The following PDE4B variants were observed in gnomAD, a reference collection of about 807,000 sequenced individuals.
PDE4B encodes phosphodiesterase 4B, also known as 3',5'-cyclic-AMP phosphodiesterase 4B.
A neutral mutation model predicts 82.2 loss-of-function variants in PDE4B; 20 were observed. The ratio of observed to expected loss-of-function variants is 0.24; its 90% CI spans 0.17 to 0.35. The LOEUF (loss-of-function observed/expected upper bound fraction) is 0.35. Among genes scored for constraint, PDE4B ranks in the 10% least tolerant of loss-of-function variants. The pLI, the probability that PDE4B is intolerant of heterozygous loss-of-function variation, is 1.00. For missense variants in PDE4B, 655 were observed against 907.2 expected (o/e 0.72, Z 3.57); for synonymous variants, 320 against 318.9 (o/e 1.00, Z -0.04).
chr1:66,306,736 G>A (rs1046653794), intron 7 of PDE4B, among the ~76,000 whole-genome samples: 5 of 152,134 alleles, frequency 3.3e-5, no homozygotes, highest in African/African-American at 1.2e-4. Context: ...TCCAGTGGGA[G>A]TAAGTAACTT....
intron 1 of PDE4B, among the ~76,000 whole-genome samples, chr1:65,849,676 C>T (rs777479902): frequency 2.0e-5 from 3 of 151,914 alleles, no homozygotes; most frequent in Non-Finnish European, 4.4e-5. Flanking sequence ...GAGAACATGT[C>T]ATATACTTTT....
chr1:65,853,718 C>T (rs551296838), intron 1 of PDE4B, among the ~76,000 whole-genome samples: 15 of 151,890 alleles, frequency 9.9e-5, no homozygotes, highest in African/African-American at 1.4e-4. Flanking sequence ...TTAGTAGAGA[C>T]GGGGTTTTAC....
intron 3 of PDE4B, among the ~76,000 whole-genome samples, chr1:66,099,068 G>T (rs1317456647): frequency 6.6e-6 from 1 of 152,104 alleles, no homozygotes; most frequent in Non-Finnish European, 1.5e-5. Context: ...AGCATGTGCA[G>T]GTTTGTTACA....
intron 7 of PDE4B, 83 bp from the exon 8 acceptor site, chr1:66,332,425 A>C: frequency 1.2e-6 from 2 of 1,614,116 alleles, no homozygotes; most frequent in Non-Finnish European, 8.5e-7. Context: ...GTAGCACCGG[A>C]ATCAGCGGTG....
intron 1 of PDE4B, among the ~76,000 whole-genome samples, chr1:65,802,222 C>G (rs1025124761): frequency 1.3e-5 from 2 of 152,074 alleles, no homozygotes; most frequent in Non-Finnish European, 2.9e-5. Flanking sequence ...TCTTAATAAC[C>G]GAGGAAACTA....
chr1:66,291,404 C>G (rs1232420942), intron 7 of PDE4B, among the ~76,000 whole-genome samples: 1 of 152,180 alleles, frequency 6.6e-6, no homozygotes, highest in Non-Finnish European at 1.5e-5. Flanking sequence ...TCTGCTGGAT[C>G]AAGCTGTTGT....
At chr1:66,321,854 C>T (rs1251568931) in intron 7 of PDE4B, among the ~76,000 whole-genome samples, 2 of 151,822 alleles carry the variant, frequency 1.3e-5, no homozygotes, top group Admixed American at 6.6e-5. Flanking sequence ...AAAAAGAGCC[C>T]GCATGGCCAA....
intron 3 of PDE4B, among the ~76,000 whole-genome samples, chr1:65,924,786 C>G (rs1647410093): frequency 6.6e-6 from 1 of 152,196 alleles, no homozygotes; most frequent in Admixed American, 6.5e-5. Flanking sequence ...ATACCAGTTC[C>G]TTGCCATGTG....
chr1:65,964,660 A>G (rs1649720654), intron 3 of PDE4B, among the ~76,000 whole-genome samples: 1 of 152,200 alleles, frequency 6.6e-6, no homozygotes, highest in Non-Finnish European at 1.5e-5. Flanking sequence ...TAACAATTCT[A>G]CATCTCCAGT....
At chr1:66,208,386 C>T (rs760714795) in intron 3 of PDE4B, among the ~76,000 whole-genome samples, 8 of 152,298 alleles carry the variant, frequency 5.3e-5, no homozygotes, top group Admixed American at 2.6e-4. Context: ...TCATGATTTA[C>T]GTAGCACATA....
At chr1:65,906,240 G>A (rs1477788824) in intron 1 of PDE4B, among the ~76,000 whole-genome samples, 1 of 152,068 alleles carries the variant, frequency 6.6e-6, no homozygotes, top group African/African-American at 2.4e-5. Context: ...ACATCTGTTT[G>A]TAGATCTTCT....
intron 3 of PDE4B, among the ~76,000 whole-genome samples, chr1:66,023,567 A>C (rs959073160): frequency 4.1e-4 from 63 of 152,192 alleles, no homozygotes; most frequent in Admixed American, 1.8e-3. Context: ...CAGGCCCTAT[A>C]GTAATGAAAG....
At chr1:66,248,921 A>T (rs527370129) in intron 4 of PDE4B, among the ~76,000 whole-genome samples, 2 of 152,314 alleles carry the variant, frequency 1.3e-5, no homozygotes, top group East Asian at 3.9e-4. Flanking sequence ...TCCATAGATG[A>T]TGAAACTGGG....
chr1:65,816,346 A>G (rs1469533816), intron 1 of PDE4B, among the ~76,000 whole-genome samples: 4 of 152,130 alleles, frequency 2.6e-5, no homozygotes, highest in Admixed American at 6.6e-5. Flanking sequence ...ATAGTAACCA[A>G]ATAAGTGCAA....
chr1:66,327,721 G>C (rs1225604221), intron 7 of PDE4B, among the ~76,000 whole-genome samples: 1 of 152,160 alleles, frequency 6.6e-6, no homozygotes, highest in Non-Finnish European at 1.5e-5. Context: ...AACCATACCA[G>C]GTCTTCTGAG....
chr1:65,959,602 C>T (rs1649446499), intron 3 of PDE4B, among the ~76,000 whole-genome samples: 2 of 151,980 alleles, frequency 1.3e-5, no homozygotes, highest in Admixed American at 6.6e-5. Context: ...TTTATTTGCT[C>T]TACTTAGATT....
intron 3 of PDE4B, among the ~76,000 whole-genome samples, chr1:66,223,120 G>A (rs748048216): frequency 1.4e-4 from 22 of 152,064 alleles, no homozygotes; most frequent in Non-Finnish European, 2.8e-4. Context: ...AGCAAAAACC[G>A]ACAAGGTTTC....
chr1:66,331,991 G>A, intron 7 of PDE4B: 1 of 1,029,226 alleles, frequency 9.7e-7, no homozygotes, highest in East Asian at 9.0e-5. Flanking sequence ...CCTAGACTTT[G>A]AACGTAATGG....
At chr1:66,090,616 A>ATATATATATATATATAT (rs200925983) in intron 3 of PDE4B, among the ~76,000 whole-genome samples, 1 of 89,934 alleles carries the variant, frequency 1.1e-5, no homozygotes, top group African/African-American at 4.6e-5. Context: ...ATATGTATAT[A>ATATATATATATATATAT]ATATATGTGT....
Sources: gnomAD v4.1 joint callset for allele counts (sites outside exome capture counted in the v4.1 genomes callset) on GRCh38, gnomAD v4.1.1 for gene constraint, MANE v1.5 for transcripts, NCBI Gene and HGNC (gene_info 2026-07-23, HGNC 2026-07-21) for gene names.